ZFPM2: variants seen among roughly 807,000 people sequenced by gnomAD.
ZFPM2 encodes zinc finger protein ZFPM2.
A neutral mutation model predicts 98.6 loss-of-function variants in ZFPM2; 20 were observed. The ratio of observed to expected loss-of-function variants is 0.20; its 90% CI spans 0.14 to 0.29. The LOEUF (loss-of-function observed/expected upper bound fraction) is 0.29. ZFPM2 is among the 10% of genes least tolerant of loss of function. The pLI, the probability that ZFPM2 is intolerant of heterozygous loss-of-function variation, is 1.00. For synonymous variants in ZFPM2, 518 were observed against 502.7 expected (o/e 1.03, Z -0.41); for missense variants, 1,310 against 1,388.6 (o/e 0.94, Z 0.90).
intron 4 of ZFPM2, among the ~76,000 whole-genome samples, chr8:105,561,823 A>G (rs1815144064): frequency 6.6e-6 from 1 of 152,160 alleles, no homozygotes; most frequent in Non-Finnish European, 1.5e-5. Flanking sequence ...GTCATCCATT[A>G]CAGGTTTTCA....
At chr8:105,671,652 G>T (rs139414660) in intron 5 of ZFPM2, among the ~76,000 whole-genome samples, 36 of 150,842 alleles carry the variant, frequency 2.4e-4, no homozygotes, top group South Asian at 6.3e-4. Context: ...TAAATAGGTG[G>T]TTTTTTTTTA....
chr8:105,520,370 C>T (rs1814025288), intron 3 of ZFPM2, among the ~76,000 whole-genome samples: 1 of 152,108 alleles, frequency 6.6e-6, no homozygotes, highest in African/African-American at 2.4e-5. Flanking sequence ...AGAAGCTCAA[C>T]ATGCATGTCA....
chr8:105,437,794 G>A (rs1812155551), intron 2 of ZFPM2, among the ~76,000 whole-genome samples: 1 of 152,140 alleles, frequency 6.6e-6, no homozygotes, highest in African/African-American at 2.4e-5. Context: ...TGTAATCCCA[G>A]CACTTTAAGA....
intron 1 of ZFPM2, among the ~76,000 whole-genome samples, chr8:105,404,010 CAA>C (rs1299021215): frequency 6.6e-6 from 1 of 150,788 alleles, no homozygotes; most frequent in East Asian, 1.9e-4. Flanking sequence ...ACAACAACAA[CAA>C]CAACAACAAC....
At chr8:105,795,104 G>A (rs1222210754) in intron 6 of ZFPM2, among the ~76,000 whole-genome samples, 1 of 152,134 alleles carries the variant, frequency 6.6e-6, no homozygotes, top group Non-Finnish European at 1.5e-5. Flanking sequence ...TGCGCCCACT[G>A]TCTGGCACTC....
intron 3 of ZFPM2, among the ~76,000 whole-genome samples, chr8:105,465,436 A>G (rs1812780176): frequency 6.6e-6 from 1 of 151,958 alleles, no homozygotes. Flanking sequence ...TAATTTTTAC[A>G]GTTTATACAA....
At chr8:105,349,707 T>C (rs1812606957) in intron 1 of ZFPM2, among the ~76,000 whole-genome samples, 1 of 152,196 alleles carries the variant, frequency 6.6e-6, no homozygotes, top group Admixed American at 6.5e-5. Flanking sequence ...ATTTGATGTG[T>C]ACTGACCCCA....
intron 4 of ZFPM2, among the ~76,000 whole-genome samples, chr8:105,623,647 C>T (rs903445698): frequency 3.3e-5 from 5 of 152,092 alleles, no homozygotes; most frequent in African/African-American, 1.2e-4. Flanking sequence ...CACATCTTAG[C>T]GTCTGAAGAT....
Position 105,798,752 on chromosome 8 carries a change from C to T in ZFPM2, c.768C>T (p.Gly256=), listed in dbSNP as rs753694697. The T allele has an allele frequency of 2.5e-6, 4 of 1,613,858 alleles. No homozygotes were observed. The highest frequency in any genetic ancestry group is 1.7e-4 in the Middle Eastern group (1 of 6,036). ...NKDIFPCKSC[G]IWYRSERNLQ... is the part of the protein sequence containing the mutation. ...ATATATTCCCTTGCAAGTCCTGTGG[C>T]ATCTGGTATCGGAGTGAGCGGAATC... Residue 256 remains glycine (G), a synonymous_variant, in exon 7 of 8, where the codon GGC becomes GGT. Coordinates refer to ENST00000407775, the MANE Select transcript of ZFPM2 (RefSeq NM_012082.4).
At chr8:105,561,591 A>G (rs1176465675) in intron 4 of ZFPM2, 110 bp downstream of exon 4, 4 of 943,256 alleles carry the variant, frequency 4.2e-6, no homozygotes, top group Non-Finnish European at 6.2e-6. Context: ...AAAAATAACC[A>G]TTTGTTTTTG....
chr8:105,715,549 T>A (rs1166289946), intron 5 of ZFPM2, among the ~76,000 whole-genome samples: 1 of 152,014 alleles, frequency 6.6e-6, no homozygotes. Flanking sequence ...ATAATTTATA[T>A]CAGTAAAATT....
intron 1 of ZFPM2, among the ~76,000 whole-genome samples, chr8:105,396,922 A>G (rs1374054326): frequency 6.6e-6 from 1 of 152,246 alleles, no homozygotes; most frequent in East Asian, 1.9e-4. Context: ...ATATATTGCC[A>G]GTAACATTAT....
chr8:105,678,109 C>T (rs1316830890), intron 5 of ZFPM2, among the ~76,000 whole-genome samples: 1 of 152,154 alleles, frequency 6.6e-6, no homozygotes, highest in African/African-American at 2.4e-5. Context: ...ACACTGACTT[C>T]CTGTCATTAG....
At chr8:105,489,365 G>A (rs1374041691) in intron 3 of ZFPM2, among the ~76,000 whole-genome samples, 4 of 143,538 alleles carry the variant, frequency 2.8e-5, no homozygotes, top group African/African-American at 7.7e-5. Flanking sequence ...TATATTTATA[G>A]GTATATATTT....
chr8:105,641,782 A>G (rs1816952871), intron 5 of ZFPM2, among the ~76,000 whole-genome samples: 1 of 152,136 alleles, frequency 6.6e-6, no homozygotes, highest in African/African-American at 2.4e-5. Context: ...TATCAGCATC[A>G]CTGTGAGTTT....
intron 5 of ZFPM2, among the ~76,000 whole-genome samples, chr8:105,725,751 T>C: frequency 6.6e-6 from 1 of 151,712 alleles, no homozygotes; most frequent in East Asian, 2.0e-4. Flanking sequence ...CTTCTCCTTG[T>C]CCCATAGATG....
chr8:105,715,514 A>G (rs1326792133), intron 5 of ZFPM2, among the ~76,000 whole-genome samples: 8 of 151,898 alleles, frequency 5.3e-5, no homozygotes, highest in Non-Finnish European at 1.0e-4. Context: ...ATACTTTATT[A>G]TTATGTATAA....
chr8:105,749,050 A>G (rs1409208582), intron 5 of ZFPM2, among the ~76,000 whole-genome samples: 3 of 152,030 alleles, frequency 2.0e-5, no homozygotes, highest in Non-Finnish European at 4.4e-5. Flanking sequence ...AACATTCTTT[A>G]TTAACTCACT....
At chr8:105,709,077 A>G (rs766288160) in intron 5 of ZFPM2, among the ~76,000 whole-genome samples, 6 of 152,190 alleles carry the variant, frequency 3.9e-5, no homozygotes, top group East Asian at 1.9e-4. Context: ...TAGTAGAGAA[A>G]GGGGAGAACC....
Sources: gnomAD v4.1 joint callset for allele counts (sites outside exome capture counted in the v4.1 genomes callset) on GRCh38, gnomAD v4.1.1 for gene constraint, MANE v1.5 for transcripts, NCBI Gene and HGNC (gene_info 2026-07-23, HGNC 2026-07-21) for gene names.